ADD3: variants seen among roughly 807,000 people sequenced by gnomAD.
ADD3 encodes the protein gamma-adducin.
ADD3 carries 25 observed loss-of-function variants against 80.2 expected under a neutral mutation model. The observed-to-expected ratio is 0.31, with a 90% CI of 0.23 to 0.44. The LOEUF (loss-of-function observed/expected upper bound fraction) is 0.44. Among genes scored for constraint, ADD3 ranks in the 20% least tolerant of loss-of-function variants. The pLI, the probability that ADD3 is intolerant of heterozygous loss-of-function variation, is 1.00. For synonymous variants in ADD3, 284 were observed against 289.6 expected, an observed-to-expected ratio of 0.98 and a Z score of 0.20; for missense variants, 829 against 847.5, an observed-to-expected ratio of 0.98 and a Z score of 0.27.
chr10:110,026,266 T>C (rs554024242), intron 1 of ADD3, among the ~76,000 whole-genome samples: 21 of 150,722 alleles, frequency 1.4e-4, no homozygotes, highest in Admixed American at 9.2e-4. Context: ...ATAGAACTTA[T>C]GACCCCAGTT....
At chr10:110,042,759 A>G (rs1032547888) in intron 1 of ADD3, among the ~76,000 whole-genome samples, 1 of 147,918 alleles carries the variant, frequency 6.8e-6, no homozygotes, top group Non-Finnish European at 1.5e-5. Context: ...CCTGGTAATT[A>G]CAAATAAGTA....
intron 2 of ADD3, among the ~76,000 whole-genome samples, chr10:110,101,161 G>A (rs1848766853): frequency 1.3e-5 from 2 of 152,156 alleles, no homozygotes; most frequent in African/African-American, 4.8e-5. Context: ...CAAGTCATAG[G>A]AACCAATAAA....
chr10:110,049,842 G>A (rs560365749), intron 1 of ADD3, among the ~76,000 whole-genome samples: 13 of 150,156 alleles, frequency 8.7e-5, no homozygotes, highest in Non-Finnish European at 1.3e-4. Context: ...AGCCGAGATC[G>A]CGCCACTGCA....
chr10:110,102,505 G>A (rs1399367922), intron 2 of ADD3, among the ~76,000 whole-genome samples: 1 of 152,098 alleles, frequency 6.6e-6, no homozygotes, highest in Non-Finnish European at 1.5e-5. Context: ...TACTTGGGAG[G>A]CTGAGTCGAA....
chr10:110,091,262 C>T (rs1590076760), intron 1 of ADD3, among the ~76,000 whole-genome samples: 1 of 152,142 alleles, frequency 6.6e-6, no homozygotes, highest in South Asian at 2.1e-4. Flanking sequence ...TCCTTTGAGC[C>T]ATCTCATATT....
chr10:110,109,870 G>A (rs539474951), intron 2 of ADD3, among the ~76,000 whole-genome samples: 13 of 151,058 alleles, frequency 8.6e-5, no homozygotes, highest in African/African-American at 3.0e-4. Flanking sequence ...TATCTTCACA[G>A]GGTCTTGGAT....
chr10:110,103,740 C>T (rs2133976893), intron 2 of ADD3, among the ~76,000 whole-genome samples: 1 of 152,106 alleles, frequency 6.6e-6, no homozygotes, highest in Non-Finnish European at 1.5e-5. Context: ...ACTGTGTTGC[C>T]CAGGCTAGTG....
chr10:110,040,853 A>G (rs1459399606), intron 1 of ADD3, among the ~76,000 whole-genome samples: 1 of 152,180 alleles, frequency 6.6e-6, no homozygotes, highest in Non-Finnish European at 1.5e-5. Flanking sequence ...AGGTCAGGTT[A>G]AAGAAGTGCC....
intron 13 of ADD3, among the ~76,000 whole-genome samples, chr10:110,131,509 C>T (rs1025268137): frequency 1.3e-5 from 2 of 152,156 alleles, no homozygotes; most frequent in African/African-American, 4.8e-5. Flanking sequence ...AATTTTCATG[C>T]AAAGCAAAAT....
Position 110,113,000 on chromosome 10 carries a change from G to T in ADD3, c.334+85G>T, listed in dbSNP as rs903417486. ...ACATCTCTAGCAGCATATTCTGCTCGGGTTCAGTCCTTAAGTTTATAACAT... is the reference window on the plus strand; with the variant it reads ...ACATCTCTAGCAGCATATTCTGCTCTGGTTCAGTCCTTAAGTTTATAACAT... On this transcript the variant is annotated intron_variant, in intron 3 of 14. Transcript: ENST00000356080. 34 of 1,432,138 alleles carry T rather than the reference G, an allele frequency of 2.4e-5. No homozygotes were observed. The Middle Eastern group carries it at 1.2e-3, about 51-fold the overall frequency. The allele number at this position is 1,432,138 out of a possible 1,614,324, so 88.7% of individuals were successfully genotyped here.
At chr10:110,064,376 ATC>A in intron 1 of ADD3, among the ~76,000 whole-genome samples, 2 of 152,324 alleles carry the variant, frequency 1.3e-5, no homozygotes, top group Non-Finnish European at 2.9e-5. Flanking sequence ...GATGTTCCAC[ATC>A]CTTGCCAGTA....
At chr10:110,006,777 G>A (rs1159107930), upstream of ADD3, among the ~76,000 whole-genome samples, 1 of 151,856 alleles carries the variant, frequency 6.6e-6, no homozygotes, top group African/African-American at 2.4e-5. Flanking sequence ...GAGGCGGATG[G>A]CGTGAGGTAT....
chr10:110,009,123 A>G (rs1411710483), intron 1 of ADD3, among the ~76,000 whole-genome samples: 2 of 152,184 alleles, frequency 1.3e-5, no homozygotes, highest in East Asian at 1.9e-4. Context: ...ATGGGAGCGC[A>G]AGGAAAACCA....
chr10:110,006,980 C>T (rs1365525083), upstream of ADD3, among the ~76,000 whole-genome samples: 1 of 151,660 alleles, frequency 6.6e-6, no homozygotes, highest in Non-Finnish European at 1.5e-5. Context: ...GCAGGAGGGA[C>T]GTGGAAGTCG....
chr10:110,065,435 C>T (rs182139573), intron 1 of ADD3, among the ~76,000 whole-genome samples: 2 of 149,806 alleles, frequency 1.3e-5, no homozygotes, highest in Non-Finnish European at 3.0e-5. Context: ...TCTTCAGGAA[C>T]TTTGGTATGT....
At chr10:110,090,216 C>CT (rs144120692) in intron 1 of ADD3, among the ~76,000 whole-genome samples, 16,811 of 113,830 alleles carry the variant, frequency 0.15, 2,147 homozygotes, top group East Asian at 0.39. Flanking sequence ...ACCTACTTGA[C>CT]TTTTTTTTTT....
At chr10:110,068,916 A>T (rs1844326487) in intron 1 of ADD3, among the ~76,000 whole-genome samples, 1 of 152,036 alleles carries the variant, frequency 6.6e-6, no homozygotes, top group African/African-American at 2.4e-5. Flanking sequence ...GTCTCTGCAA[A>T]AAATAGAAAA....
chr10:110,024,187 C>T (rs1227358984), intron 1 of ADD3, among the ~76,000 whole-genome samples: 1 of 152,180 alleles, frequency 6.6e-6, no homozygotes, highest in Non-Finnish European at 1.5e-5. Flanking sequence ...ATAAACAGAA[C>T]TTTTGTGCAA....
chr10:110,071,624 C>A (rs1446901022), intron 1 of ADD3, among the ~76,000 whole-genome samples: 1 of 151,872 alleles, frequency 6.6e-6, no homozygotes, highest in Non-Finnish European at 1.5e-5. Context: ...GTGCTTTTTT[C>A]TTTTTCATGT....
Sources: allele counts gnomAD v4.1 joint callset (sites outside exome capture counted in the v4.1 genomes callset), GRCh38; gene constraint gnomAD v4.1.1; transcripts MANE v1.5; gene names NCBI Gene and HGNC (gene_info 2026-07-23, HGNC 2026-07-21).